Variants in NPL observed in about 807,000 individuals in gnomAD.
NPL encodes N-acetylneuraminate pyruvate lyase.
Under a neutral mutation model 41.1 loss-of-function variants are expected in NPL, and 32 were observed. The observed-to-expected ratio is 0.78, with a 90% CI of 0.59 to 1.05. The LOEUF is 1.05. Ranked by LOEUF, NPL falls within the 50% of genes least tolerant of loss-of-function variation. NPL has a pLI of 0.00. For missense variants in NPL, 321 were observed against 378.4 expected, an observed-to-expected ratio of 0.85 and a Z score of 1.26; for synonymous variants, 128 against 134.9, an observed-to-expected ratio of 0.95 and a Z score of 0.35.
intron 1 of NPL, among the ~76,000 whole-genome samples, chr1:182,790,081 A>G (rs114151486): frequency 6.6e-6 from 1 of 152,214 alleles, no homozygotes; most frequent in Non-Finnish European, 1.5e-5. Flanking sequence ...TTTCCTCAAA[A>G]TAGAGTTAGC....
intron 4 of NPL, 129 bp downstream of exon 4, chr1:182,803,900 A>G: frequency 1.3e-6 from 1 of 760,426 alleles, no homozygotes; most frequent in Non-Finnish European, 2.4e-6. Flanking sequence ...TGGCTAAGCT[A>G]ACTAAAATTT....
At position 182,796,981 on chromosome 1, in the gene NPL, G is replaced by A. The variant is rs1455473086; in HGVS notation, c.68+2542G>A. Among the ~76,000 whole-genome samples the A allele has an allele frequency of 2.0e-5, 3 of 147,220 alleles. No individual in the cohort carries two copies. The East Asian group carries it at 5.9e-4, about 29-fold the overall frequency. ...ACCTGGGATGCAGAGGTTGCGGTGA[G>A]CCAAGATCATTCCACTGCACTCTAC... On this transcript the variant is annotated intron_variant, in intron 3 of 12. Coordinates refer to ENST00000367553, the MANE Select transcript of NPL (RefSeq NM_030769.3).
rs1415600557 is a variant in NPL at position 182,816,754 on chromosome 1, C to T, written c.405C>T (p.Ala135=). 1 of 1,613,286 alleles carries T rather than the reference C, an allele frequency of 6.2e-7. No homozygotes were observed. The highest frequency in any genetic ancestry group is 1.1e-5 in the South Asian group (1 of 91,078). ...TCCTAAAGGAAGTGGCTGCTGCCGC[C>T]CCTGCCCTGCCATTTTATTACTATC... ...INFLKEVAAA[A]PALPFYYYHI... The change falls in exon 8 of 13, where the codon GCC becomes GCT. Residue 135 remains alanine, a synonymous_variant. Transcript: ENST00000367553.
rs780412696 is a variant in NPL at position 182,818,652 on chromosome 1, G to T, written c.569G>T (p.Arg190Leu). ...LDFGQCVDQN[R>L]QQQFAFLFGV... ...TTCGGGCAATGTGTTGATCAGAATC[G>T]CCAGCAACAGTTTGCTTTCCTTTTT... is the stretch of plus-strand genomic sequence containing the variant. The change falls in exon 9 of 13, where the codon CGC (arginine) becomes CTC (leucine). Residue 190 changes from arginine (R) to leucine (L), a missense_variant. Physicochemically the swap from Arg to Leu is moderately radical, Grantham distance 102. Transcript: ENST00000367553. 2 of 1,614,148 alleles carry T rather than the reference G, an allele frequency of 1.2e-6. No individual in the cohort carries two copies. The highest frequency in any genetic ancestry group is 1.7e-6 in the Non-Finnish European group (2 of 1,180,040).
At chr1:182,819,006 C>T (rs1158122229) in intron 10 of NPL, 147 bp downstream of exon 10, 1 of 779,644 alleles carries the variant, frequency 1.3e-6, no homozygotes, top group Non-Finnish European at 2.2e-6. Flanking sequence ...GAATTAAATA[C>T]TGCTTAGCTG....
chr1:182,826,586 C>G (rs183657979), intron 12 of NPL: 47 of 152,372 alleles, frequency 3.1e-4, no homozygotes, highest in African/African-American at 1.1e-3. Flanking sequence ...CTCTCTTACT[C>G]CTTCAAGGAC....
At position 182,829,783 on chromosome 1, in the gene NPL, A is replaced by G. The variant is rs1424824275; in HGVS notation, c.*875A>G. On this transcript the variant is annotated 3_prime_UTR_variant, in exon 13 of 13. Transcript: ENST00000367553. Reference sequence around the variant, plus strand: ...ATGTTATTATCCTGTCACACTTGCAACTAGTGACTTTTGTTTAGTGATAGA... The same window carrying G: ...ATGTTATTATCCTGTCACACTTGCAGCTAGTGACTTTTGTTTAGTGATAGA... 2 of 741,392 alleles carry G rather than the reference A, an allele frequency of 2.7e-6. No homozygotes were observed. The highest frequency in any genetic ancestry group is 4.6e-6 in the Non-Finnish European group (2 of 438,152). 45.9% of individuals were successfully genotyped at this position (741,392 alleles called of 1,614,324 possible).
At chr1:182,820,364 T>C (rs1269631354) in intron 10 of NPL, among the ~76,000 whole-genome samples, 1 of 152,214 alleles carries the variant, frequency 6.6e-6, no homozygotes, top group Non-Finnish European at 1.5e-5. Flanking sequence ...TGAGCCTGGC[T>C]GTGAGGAAGA....
At chr1:182,817,695 A>G (rs1476898789) in intron 8 of NPL, among the ~76,000 whole-genome samples, 3 of 152,258 alleles carry the variant, frequency 2.0e-5, no homozygotes, top group African/African-American at 7.2e-5. Flanking sequence ...AATGTGCTAC[A>G]GCAGTTTACA....
At chr1:182,803,157 A>G (rs1666900611) in intron 3 of NPL, among the ~76,000 whole-genome samples, 1 of 152,176 alleles carries the variant, frequency 6.6e-6, no homozygotes, top group Admixed American at 6.5e-5. Flanking sequence ...ATGACTTCCT[A>G]ATAATTGATC....
intron 12 of NPL, among the ~76,000 whole-genome samples, chr1:182,827,396 T>C (rs1481854325): frequency 6.6e-6 from 1 of 152,180 alleles, no homozygotes; most frequent in African/African-American, 2.4e-5. Context: ...CTGAAAAAAT[T>C]CTCTGTTATC....
Position 182,800,887 on chromosome 1 carries a change from G to T in NPL, c.69-2811G>T, listed in dbSNP as rs149226685. 1.3e-3 allele frequency among the ~76,000 whole-genome samples: 196 copies of T among 151,742 alleles called. 1 individual carries two copies. Among genetic ancestry groups the T allele is most frequent in the African/African-American group, 4.6e-3 (190 of 41,380 alleles). ...TGAGATTACAAGTGCCCACCAATAC[G>T]CCTGGCTCATTTTTGCATTTTTAGT... On this transcript the variant is annotated intron_variant, in intron 3 of 12. Coordinates refer to ENST00000367553, the MANE Select transcript of NPL (RefSeq NM_030769.3).
rs1403760386 is a variant in NPL, at chr1:182,822,121, T to C, written c.660T>C (p.Tyr220=). The change falls in exon 11 of 13, where the codon TAT becomes TAC. Residue 220 remains tyrosine, a synonymous_variant. Coordinates refer to ENST00000367553, the MANE Select transcript of NPL (RefSeq NM_030769.3). The part of the protein sequence containing the change: ...MGATGAVGST[Y]NYLGKKTNQM... The stretch of plus-strand genomic sequence containing the variant: ...TTTGTTATTGTCTTGCCAGTACCTA[T>C]AACTACCTGGGAAAAAAGACAAACC... The C allele has an allele frequency of 1.9e-6, 3 of 1,609,868 alleles. No individual in the cohort carries two copies. The highest frequency in any genetic ancestry group is 2.2e-5 in the East Asian group (1 of 44,852).
intron 6 of NPL, among the ~76,000 whole-genome samples, chr1:182,813,723 A>G (rs1284759005): frequency 1.3e-5 from 2 of 152,224 alleles, no homozygotes; most frequent in Non-Finnish European, 2.9e-5. Flanking sequence ...CCAAAGAGAT[A>G]ATAACATCGG....
chr1:182,816,884 A>T, intron 8 of NPL, 78 bp downstream of exon 8: 1 of 1,104,052 alleles, frequency 9.1e-7, no homozygotes, highest in East Asian at 2.4e-5. Context: ...ACTCCACTCC[A>T]TCCCACCCTA....
intron 8 of NPL, among the ~76,000 whole-genome samples, chr1:182,817,481 A>G (rs976198470): frequency 5.9e-5 from 9 of 152,182 alleles, no homozygotes; most frequent in African/African-American, 1.7e-4. Flanking sequence ...CCAATTCTTC[A>G]TCAGAGACGA....
intron 7 of NPL, among the ~76,000 whole-genome samples, chr1:182,816,135 A>G (rs369530040): frequency 6.6e-6 from 1 of 152,204 alleles, no homozygotes; most frequent in Non-Finnish European, 1.5e-5. Flanking sequence ...CGAAGCTCAC[A>G]TGAGATGATG....
chr1:182,806,168 C>T lies in NPL; in HGVS notation c.166C>T (p.Leu56=). The change falls in exon 5 of 13, where the codon CTG becomes TTG. Residue 56 remains leucine, a synonymous_variant. Coordinates refer to ENST00000367553, the MANE Select transcript of NPL (RefSeq NM_030769.3). The stretch of plus-strand genomic sequence containing the variant: ...AGTGAATGGCACAACAGGAGAAGGC[C>T]TGTCCCTGAGCGTCTCAGAGCGTCG... ...IFVNGTTGEG[L]SLSVSERRQV... 21 of 1,614,218 alleles carry T rather than the reference C, an allele frequency of 1.3e-5. No individual in the cohort carries two copies. Among genetic ancestry groups the T allele is most frequent in the Non-Finnish European group, 1.8e-5 (21 of 1,180,048 alleles).
At chr1:182,806,278 A>G (rs1346968217) in intron 5 of NPL, 46 bp downstream of exon 5, 1 of 1,612,702 alleles carries the variant, frequency 6.2e-7, no homozygotes, top group Admixed American at 1.7e-5. Flanking sequence ...CAACAGCTGT[A>G]TTCAGTGAGC....
Sources: gnomAD v4.1 joint callset for allele counts (sites outside exome capture counted in the v4.1 genomes callset) on GRCh38, gnomAD v4.1.1 for gene constraint, MANE v1.5 for transcripts, NCBI Gene and HGNC (gene_info 2026-07-23, HGNC 2026-07-21) for gene names.